BCAR3: variants seen among roughly 807,000 people sequenced by gnomAD.
BCAR3 encodes BCAR3 adaptor protein, NSP family member, also known as breast cancer anti-estrogen resistance protein 3.
Under a neutral mutation model 80.1 loss-of-function variants are expected in BCAR3, and 37 were observed. That is an observed-to-expected ratio of 0.46 (90% confidence interval 0.36 to 0.61). The LOEUF is 0.61. BCAR3 is among the 20% of genes least tolerant of loss of function. The pLI, the probability that BCAR3 is intolerant of heterozygous loss-of-function variation, is 0.00. For synonymous variants in BCAR3, 389 were observed against 418.9 expected (o/e 0.93, Z 0.87); for missense variants, 978 against 1,068.2 (o/e 0.92, Z 1.18).
intron 5 of BCAR3, chr1:93,585,146 AC>A (rs201856304): frequency 3.2e-6 from 3 of 938,644 alleles, no homozygotes; most frequent in Non-Finnish European, 3.7e-6. Flanking sequence ...AGGGGCCAGA[AC>A]GGCAGGGTGT....
intron 2 of BCAR3, among the ~76,000 whole-genome samples, chr1:93,710,449 GGA>G (rs1478065668): frequency 1.3e-5 from 2 of 152,178 alleles, no homozygotes; most frequent in African/African-American, 4.8e-5. Context: ...GGATTGGCAG[GGA>G]GAGACTTTAT....
At chr1:93,660,717 ATTTG>A (rs952871384) in intron 2 of BCAR3, among the ~76,000 whole-genome samples, 8 of 152,282 alleles carry the variant, frequency 5.3e-5, no homozygotes, top group Admixed American at 2.0e-4. Flanking sequence ...TTGCTTATTT[ATTTG>A]TTTGTTTGTT....
At chr1:93,781,174 C>T (rs1482275532) in intron 2 of BCAR3, among the ~76,000 whole-genome samples, 1 of 152,240 alleles carries the variant, frequency 6.6e-6, no homozygotes, top group African/African-American at 2.4e-5. Context: ...GAAAATAAGA[C>T]AATACAAAAG....
intron 11 of BCAR3, among the ~76,000 whole-genome samples, chr1:93,562,650 A>G (rs1456588197): frequency 2.0e-5 from 3 of 151,526 alleles, no homozygotes; most frequent in Admixed American, 6.6e-5. Context: ...GAGCGCCTGT[A>G]GTCCCAGCTA....
chr1:93,728,311 C>T (rs1214505552), intron 2 of BCAR3, among the ~76,000 whole-genome samples: 4 of 152,200 alleles, frequency 2.6e-5, no homozygotes, highest in Non-Finnish European at 4.4e-5. Context: ...ACGGGCAGGT[C>T]GTGGGGCTCC....
At chr1:93,696,093 T>C (rs544050075) in intron 3 of BCAR3, among the ~76,000 whole-genome samples, 131 of 151,548 alleles carry the variant, frequency 8.6e-4, no homozygotes, top group Non-Finnish European at 1.1e-3. Context: ...CAGGCTGGAG[T>C]GCAGTGGCAA....
intron 2 of BCAR3, among the ~76,000 whole-genome samples, chr1:93,731,813 G>A (rs1263408569): frequency 6.6e-6 from 1 of 152,212 alleles, no homozygotes; most frequent in African/African-American, 2.4e-5. Flanking sequence ...AGTGCCCCAA[G>A]TGCCTGGGGA....
At chr1:93,765,813 C>G (rs552430237) in intron 2 of BCAR3, among the ~76,000 whole-genome samples, 2 of 151,714 alleles carry the variant, frequency 1.3e-5, no homozygotes, top group Non-Finnish European at 2.9e-5. Context: ...ACTATAGGCG[C>G]CCACCACCAT....
At chr1:93,703,206 C>T (rs1355401147) in intron 3 of BCAR3, among the ~76,000 whole-genome samples, 2 of 152,190 alleles carry the variant, frequency 1.3e-5, no homozygotes, top group Non-Finnish European at 2.9e-5. Context: ...ATAAAAAATG[C>T]ACTCCAAACA....
intron 7 of BCAR3, among the ~76,000 whole-genome samples, chr1:93,577,021 G>C (rs1296002157): frequency 1.3e-5 from 2 of 152,160 alleles, no homozygotes; most frequent in Non-Finnish European, 2.9e-5. Flanking sequence ...AGGCATGGTG[G>C]TGTGTGCCTG....
At chr1:93,779,270 C>T (rs1325246503) in intron 2 of BCAR3, among the ~76,000 whole-genome samples, 2 of 152,170 alleles carry the variant, frequency 1.3e-5, no homozygotes, top group Non-Finnish European at 2.9e-5. Context: ...AATGACTTGG[C>T]CAGGGCCAAG....
chr1:93,584,296 G>A (rs1363663176), intron 5 of BCAR3, among the ~76,000 whole-genome samples, 175 bp from the exon 6 acceptor site: 1 of 152,158 alleles, frequency 6.6e-6, no homozygotes, highest in Non-Finnish European at 1.5e-5. Flanking sequence ...AATTACTGAT[G>A]GGACGATTAA....
intron 2 of BCAR3, among the ~76,000 whole-genome samples, chr1:93,800,366 G>A (rs1254164019): frequency 2.0e-5 from 3 of 152,106 alleles, no homozygotes; most frequent in Non-Finnish European, 4.4e-5. Context: ...TTGAGGTCAG[G>A]AGTTCGAAAC....
intron 2 of BCAR3, among the ~76,000 whole-genome samples, chr1:93,825,719 G>A (rs1422051550): frequency 1.3e-5 from 2 of 152,126 alleles, no homozygotes; most frequent in Admixed American, 6.5e-5. Context: ...CAGGCCATGC[G>A]AGCAGAGGAG....
At chr1:93,719,882 C>T (rs962321273) in intron 2 of BCAR3, among the ~76,000 whole-genome samples, 11 of 152,262 alleles carry the variant, frequency 7.2e-5, no homozygotes, top group Non-Finnish European at 1.5e-4. Flanking sequence ...TTATGATTTG[C>T]TCAAAGTTGA....
intron 3 of BCAR3, among the ~76,000 whole-genome samples, chr1:93,699,585 A>G (rs1649564972): frequency 6.6e-6 from 1 of 152,054 alleles, no homozygotes; most frequent in Non-Finnish European, 1.5e-5. Flanking sequence ...TCCCGGCCCC[A>G]TGTCTTGTTT....
intron 1 of BCAR3, chr1:93,681,375 G>C (rs1314640861): frequency 6.6e-6 from 1 of 152,188 alleles, no homozygotes; most frequent in Non-Finnish European, 1.5e-5. Flanking sequence ...GCGCTCGGAG[G>C]GCCTGGAGAG....
At chr1:93,717,719 CAAAA>C (rs1230098499) in intron 2 of BCAR3, among the ~76,000 whole-genome samples, 3 of 57,552 alleles carry the variant, frequency 5.2e-5, no homozygotes, top group African/African-American at 5.5e-5. Flanking sequence ...GACTCCACCT[CAAAA>C]AAAAAAAAAA....
At chr1:93,658,464 T>C (rs750036490) in intron 2 of BCAR3, among the ~76,000 whole-genome samples, 1 of 151,526 alleles carries the variant, frequency 6.6e-6, no homozygotes, top group African/African-American at 2.4e-5. Context: ...CTGGGCAACA[T>C]GGTGAGACCC....
Sources: allele counts gnomAD v4.1 joint callset (sites outside exome capture counted in the v4.1 genomes callset), GRCh38; gene constraint gnomAD v4.1.1; transcripts MANE v1.5; gene names NCBI Gene and HGNC (gene_info 2026-07-23, HGNC 2026-07-21).